Variants in MSI2 observed in about 807,000 individuals in gnomAD.
MSI2 encodes the protein RNA-binding protein Musashi homolog 2.
MSI2 carries 17 observed loss-of-function variants against 45.6 expected under a neutral mutation model. That is an observed-to-expected ratio of 0.37 (90% CI 0.26 to 0.56). The LOEUF is 0.56. MSI2 is among the 20% of genes least tolerant of loss of function. The probability of loss-of-function intolerance (pLI) is 0.77; values close to 1 mark genes in which losing one functional copy is unlikely to be tolerated. For synonymous variants in MSI2, 156 were observed against 158.2 expected (o/e 0.99, Z 0.11); for missense variants, 293 against 444.2 (o/e 0.66, Z 3.06).
chr17:57,473,512 G>A (rs1319165597), intron 6 of MSI2, among the ~76,000 whole-genome samples: 2 of 152,162 alleles, frequency 1.3e-5, no homozygotes, highest in African/African-American at 2.4e-5. Flanking sequence ...GGGCATTTCC[G>A]TCGGGGGGCC....
intron 6 of MSI2, among the ~76,000 whole-genome samples, chr17:57,466,789 A>AT (rs5821185): frequency 0.9 from 136,433 of 152,044 alleles, 61,377 homozygotes; most frequent in East Asian, 0.94. Context: ...TTCTTTATTG[A>AT]TTTTTTTAAG....
At chr17:57,589,986 A>G (rs1192930948) in intron 7 of MSI2, among the ~76,000 whole-genome samples, 1 of 152,258 alleles carries the variant, frequency 6.6e-6, no homozygotes, top group African/African-American at 2.4e-5. Context: ...TTTGTGCTGG[A>G]AGCAACCCAT....
intron 5 of MSI2, among the ~76,000 whole-genome samples, chr17:57,373,728 C>G (rs1231732207): frequency 7.2e-5 from 11 of 152,210 alleles, no homozygotes; most frequent in Non-Finnish European, 1.0e-4. Flanking sequence ...GCACTGTCCC[C>G]ATCCGAAGGC....
intron 5 of MSI2, among the ~76,000 whole-genome samples, chr17:57,379,332 G>T (rs967407125): frequency 6.6e-6 from 1 of 151,940 alleles, no homozygotes; most frequent in African/African-American, 2.4e-5. Flanking sequence ...CGCCCACCCT[G>T]GGCTGGGGGA....
At chr17:57,561,541 A>G (rs2087575042) in intron 7 of MSI2, among the ~76,000 whole-genome samples, 1 of 152,322 alleles carries the variant, frequency 6.6e-6, no homozygotes, top group East Asian at 1.9e-4. Context: ...TCCAGACTGC[A>G]AACAGGAAGC....
intron 5 of MSI2, chr17:57,286,023 G>C (rs766543410): frequency 5.7e-5 from 87 of 1,513,830 alleles, no homozygotes; most frequent in Non-Finnish European, 7.3e-5. Context: ...GTAAGAAAAA[G>C]TTCATGCTGT....
the MSI2 span, among the ~76,000 whole-genome samples, chr17:57,700,948 C>T: frequency 6.6e-6 from 1 of 152,052 alleles, no homozygotes; most frequent in Non-Finnish European, 1.5e-5. Context: ...CCCACACTTC[C>T]CAAGGAGAAT....
At chr17:57,502,763 T>C (rs1382264593) in intron 6 of MSI2, among the ~76,000 whole-genome samples, 2 of 151,190 alleles carry the variant, frequency 1.3e-5, no homozygotes, top group Non-Finnish European at 1.5e-5. Flanking sequence ...CAGAGGCGCA[T>C]GTGTTGGGAA....
intron 5 of MSI2, among the ~76,000 whole-genome samples, chr17:57,332,576 T>G (rs895513400): frequency 6.6e-6 from 1 of 152,238 alleles, no homozygotes; most frequent in Non-Finnish European, 1.5e-5. Context: ...CTCAGAGCCT[T>G]TGTGCAAAGA....
intron 11 of MSI2, among the ~76,000 whole-genome samples, chr17:57,668,200 C>T (rs191922083): frequency 1.8e-4 from 28 of 152,250 alleles, no homozygotes; most frequent in Admixed American, 3.9e-4. Flanking sequence ...AATGCATGGT[C>T]CTAGCCACAA....
intron 6 of MSI2, among the ~76,000 whole-genome samples, chr17:57,513,915 A>T (rs2086412420): frequency 6.6e-6 from 1 of 152,216 alleles, no homozygotes; most frequent in African/African-American, 2.4e-5. Context: ...AAACGACAAA[A>T]AAAGAAATGT....
intron 10 of MSI2, among the ~76,000 whole-genome samples, chr17:57,650,062 T>C (rs1316962718): frequency 1.3e-5 from 2 of 152,200 alleles, no homozygotes; most frequent in African/African-American, 4.8e-5. Flanking sequence ...GGAGCCTTTA[T>C]TTGAGATTAA....
intron 5 of MSI2, among the ~76,000 whole-genome samples, chr17:57,282,924 C>T (rs528206770): frequency 1.4e-5 from 2 of 141,980 alleles, no homozygotes; most frequent in East Asian, 4.4e-4. Context: ...ATAATTGAGG[C>T]GGCATCTGGG....
chr17:57,538,010 C>T (rs1825975893), intron 7 of MSI2, among the ~76,000 whole-genome samples: 1 of 152,174 alleles, frequency 6.6e-6, no homozygotes, highest in East Asian at 1.9e-4. Flanking sequence ...GGCTCAGGGT[C>T]AGCAACTTCA....
chr17:57,476,803 T>G (rs927036608), intron 6 of MSI2, among the ~76,000 whole-genome samples: 1 of 152,216 alleles, frequency 6.6e-6, no homozygotes, highest in Admixed American at 6.5e-5. Context: ...TCACAGAGGC[T>G]CCGTCATTTG....
intron 6 of MSI2, among the ~76,000 whole-genome samples, chr17:57,440,413 C>CGTGTGTGTGTGTGTGTGTGTGTGTGTGT (rs71139995): frequency 3.8e-5 from 4 of 104,596 alleles, no homozygotes; most frequent in Admixed American, 2.3e-4. Context: ...GTTTGTTATC[C>CGTGTGTGTGTGTGTGTGTGTGTGTGTGT]GTGTGTGTGT....
chr17:57,314,564 A>ATT (rs56937102), intron 5 of MSI2, among the ~76,000 whole-genome samples: 9 of 61,636 alleles, frequency 1.5e-4, no homozygotes, highest in East Asian at 4.4e-4. Context: ...AGGCACCTGG[A>ATT]TTTTTTTTTT....
intron 5 of MSI2, among the ~76,000 whole-genome samples, chr17:57,286,782 C>T (rs1032585418): frequency 3.3e-5 from 5 of 152,232 alleles, no homozygotes; most frequent in South Asian, 2.1e-4. Context: ...CCCCCTCCCC[C>T]GCTTATTATT....
At chr17:57,638,837 G>T (rs539887997) in intron 10 of MSI2, among the ~76,000 whole-genome samples, 39 of 152,284 alleles carry the variant, frequency 2.6e-4, no homozygotes, top group African/African-American at 9.1e-4. Context: ...AGAAGTTCAG[G>T]GTTATAGTAA....
Sources: gnomAD v4.1 joint callset for allele counts (sites outside exome capture counted in the v4.1 genomes callset) on GRCh38, gnomAD v4.1.1 for gene constraint, MANE v1.5 for transcripts, NCBI Gene and HGNC (gene_info 2026-07-23, HGNC 2026-07-21) for gene names.